CDH13: variants seen among roughly 807,000 people sequenced by gnomAD.
CDH13 encodes cadherin-13.
CDH13 carries 24 observed loss-of-function variants against 63.8 expected under a neutral mutation model. The observed-to-expected ratio is 0.38, with a 90% CI of 0.27 to 0.53. CDH13 has a LOEUF of 0.53. CDH13 is among the 20% of genes least tolerant of loss of function. The probability of loss-of-function intolerance (pLI) is 0.85; values close to 1 mark genes in which losing one functional copy is unlikely to be tolerated. For synonymous variants in CDH13, 503 were observed against 355.3 expected (o/e 1.42, Z -4.67); for missense variants, 1,049 against 903.1 (o/e 1.16, Z -2.07).
chr16:83,118,418 T>C (rs1021140676), intron 3 of CDH13, among the ~76,000 whole-genome samples: 1 of 152,222 alleles, frequency 6.6e-6, no homozygotes, highest in Admixed American at 6.5e-5. Context: ...AACCCGCATG[T>C]GCATAAGTGT....
intron 12 of CDH13, among the ~76,000 whole-genome samples, chr16:83,782,434 A>G (rs1915590967): frequency 7.0e-6 from 1 of 143,588 alleles, no homozygotes; most frequent in Admixed American, 6.9e-5. Flanking sequence ...CAGAGGATTG[A>G]TCAAAAAAAA....
chr16:83,647,509 T>C (rs1407892182), intron 8 of CDH13, among the ~76,000 whole-genome samples: 2 of 152,072 alleles, frequency 1.3e-5, no homozygotes, highest in Non-Finnish European at 2.9e-5. Flanking sequence ...TCCTACAACA[T>C]AAATGTGTGT....
intron 9 of CDH13, among the ~76,000 whole-genome samples, chr16:83,674,040 T>G (rs1259648737): frequency 1.3e-5 from 2 of 152,318 alleles, no homozygotes; most frequent in East Asian, 3.9e-4. Flanking sequence ...TCTCAGCACA[T>G]GTGAGGCAGA....
chr16:82,772,143 A>G (rs1439072648), intron 1 of CDH13, among the ~76,000 whole-genome samples: 2 of 152,160 alleles, frequency 1.3e-5, no homozygotes, highest in Non-Finnish European at 2.9e-5. Context: ...GAATTTTGCA[A>G]TCTGGTTGAC....
intron 6 of CDH13, among the ~76,000 whole-genome samples, chr16:83,437,398 G>A (rs36020684): frequency 0.027 from 4,109 of 152,214 alleles, 59 homozygotes; most frequent in East Asian, 0.049. Context: ...AAGGCTGGCC[G>A]GGTACGGTGG....
intron 3 of CDH13, among the ~76,000 whole-genome samples, chr16:83,084,854 C>G (rs966778585): frequency 6.6e-6 from 1 of 152,212 alleles, no homozygotes; most frequent in Non-Finnish European, 1.5e-5. Flanking sequence ...CACCATTGCA[C>G]TCCAGCCTGG....
chr16:82,670,789 T>G (rs1255060745), intron 1 of CDH13, among the ~76,000 whole-genome samples: 11 of 152,208 alleles, frequency 7.2e-5, no homozygotes, highest in Non-Finnish European at 1.6e-4. Context: ...AAGTTGGAAT[T>G]GAGCATAATG....
At chr16:83,066,728 A>T (rs937085880) in intron 3 of CDH13, among the ~76,000 whole-genome samples, 2 of 152,218 alleles carry the variant, frequency 1.3e-5, no homozygotes, top group African/African-American at 4.8e-5. Context: ...GTGTGAAGTC[A>T]GTCTTTTAAT....
rs1399691566 is a variant in CDH13 at position 82,661,153 on chromosome 16, C to G, written c.45+34016C>G. Among the ~76,000 whole-genome samples, 3 of 152,268 alleles carry G rather than the reference C, an allele frequency of 2.0e-5. No individual in the cohort carries two copies. The East Asian group carries it at 5.8e-4, about 30-fold the overall frequency. On this transcript the variant is annotated intron_variant, in intron 1 of 13. Transcript: ENST00000567109. ...GTCCGTTTCCTTTGCCTCTTTTCAT[C>G]CTGATGGAGCAAACGGCTCATTGTT...
chr16:83,380,177 C>T (rs7187055), intron 6 of CDH13, among the ~76,000 whole-genome samples: 122,169 of 151,858 alleles, frequency 0.8, 50,073 homozygotes, highest in South Asian at 0.92. Flanking sequence ...CAGGATATGA[C>T]GGATCAAAGA....
chr16:83,432,656 G>A (rs771025135), intron 6 of CDH13, among the ~76,000 whole-genome samples: 81 of 152,188 alleles, frequency 5.3e-4, no homozygotes, highest in Non-Finnish European at 9.0e-4. Context: ...GGAGAAAGGT[G>A]TAGCCGGCTC....
chr16:83,344,197 G>C (rs1180829650), intron 5 of CDH13, among the ~76,000 whole-genome samples: 1 of 152,238 alleles, frequency 6.6e-6, no homozygotes, highest in Non-Finnish European at 1.5e-5. Flanking sequence ...GAAATGCCAT[G>C]ACATAATTCT....
At chr16:83,288,740 G>A (rs1457823825) in intron 5 of CDH13, among the ~76,000 whole-genome samples, 4 of 152,206 alleles carry the variant, frequency 2.6e-5, no homozygotes, top group Non-Finnish European at 4.4e-5. Flanking sequence ...CTTTCATAAA[G>A]CACAAGTGGA....
At chr16:83,505,965 G>C (rs1372393424) in intron 7 of CDH13, among the ~76,000 whole-genome samples, 1 of 152,170 alleles carries the variant, frequency 6.6e-6, no homozygotes, top group Non-Finnish European at 1.5e-5. Flanking sequence ...CCTTACCCCG[G>C]GAGAAGCTGA....
chr16:82,854,777 T>C (rs1053539296), intron 1 of CDH13, among the ~76,000 whole-genome samples: 1 of 152,244 alleles, frequency 6.6e-6, no homozygotes, highest in Non-Finnish European at 1.5e-5. Context: ...GAGAGATCTA[T>C]ATTTTCCTTT....
At chr16:82,842,145 TATATATATATATATATATACAC>T (rs2039056372) in intron 1 of CDH13, among the ~76,000 whole-genome samples, 6 of 27,598 alleles carry the variant, frequency 2.2e-4, no homozygotes, top group Admixed American at 4.2e-4. Context: ...TATACACATA[TATATATATATATATATATACAC>T]ACACACACAT....
chr16:82,635,403 G>C (rs776514017), intron 1 of CDH13, among the ~76,000 whole-genome samples: 1 of 152,216 alleles, frequency 6.6e-6, no homozygotes, highest in Non-Finnish European at 1.5e-5. Context: ...CACAGTCTGG[G>C]TGAAGCCTCT....
chr16:83,182,031 G>A (rs1051640410), intron 4 of CDH13, among the ~76,000 whole-genome samples: 3 of 152,144 alleles, frequency 2.0e-5, no homozygotes, highest in Non-Finnish European at 4.4e-5. Context: ...GCTATTGTGG[G>A]ACTACTTGGG....
chr16:83,057,125 C>G (rs554078764), intron 3 of CDH13, among the ~76,000 whole-genome samples: 76 of 152,186 alleles, frequency 5.0e-4, no homozygotes, highest in African/African-American at 1.7e-3. Context: ...TGCCACCACA[C>G]CCAGCTAATT....
Sources: allele counts gnomAD v4.1 joint callset (sites outside exome capture counted in the v4.1 genomes callset), GRCh38; gene constraint gnomAD v4.1.1; transcripts MANE v1.5; gene names NCBI Gene and HGNC (gene_info 2026-07-23, HGNC 2026-07-21).